The following ASTN2 variants were observed in gnomAD, a reference collection of about 807,000 sequenced individuals.
ASTN2 encodes astrotactin 2.
In ASTN2, 54 loss-of-function variants were observed where a neutral mutation model predicts 139.8. That is an observed-to-expected ratio of 0.39 (90% confidence interval 0.31 to 0.48). The LOEUF is 0.48. ASTN2 is among the 20% of genes least tolerant of loss of function. The probability of loss-of-function intolerance (pLI) is 0.95; values close to 1 mark genes in which losing one functional copy is unlikely to be tolerated. For synonymous variants in ASTN2, 756 were observed against 719.5 expected (o/e 1.05, Z -0.81); for missense variants, 1,565 against 1,725.1 (o/e 0.91, Z 1.64).
At chr9:116,444,446 C>T (rs777340554) in intron 20 of ASTN2, among the ~76,000 whole-genome samples, 1 of 152,108 alleles carries the variant, frequency 6.6e-6, no homozygotes, top group Non-Finnish European at 1.5e-5. Context: ...TCCAAAGTCA[C>T]AGGTTCAGAA....
chr9:116,841,940 T>C (rs1311737165), intron 11 of ASTN2, among the ~76,000 whole-genome samples: 2 of 152,116 alleles, frequency 1.3e-5, no homozygotes, highest in Non-Finnish European at 2.9e-5. Context: ...AAACTAAAAC[T>C]CAGAGGTCAG....
intron 20 of ASTN2, among the ~76,000 whole-genome samples, chr9:116,481,944 C>T (rs1050487158): frequency 6.6e-6 from 1 of 152,178 alleles, no homozygotes. Context: ...TGAATCTGAG[C>T]TCTACTCCTT....
intron 10 of ASTN2, among the ~76,000 whole-genome samples, chr9:116,889,454 T>C (rs1030693448): frequency 6.6e-6 from 1 of 152,074 alleles, no homozygotes; most frequent in African/African-American, 2.4e-5. Flanking sequence ...CTCCCTGGCT[T>C]CCGGGTCCAT....
chr9:117,344,568 C>T (rs577845030), intron 1 of ASTN2, among the ~76,000 whole-genome samples: 25 of 152,280 alleles, frequency 1.6e-4, no homozygotes, highest in African/African-American at 5.3e-4. Flanking sequence ...ACAACCTATG[C>T]GCACACACCC....
intron 10 of ASTN2, among the ~76,000 whole-genome samples, chr9:116,966,317 T>C (rs1386422180): frequency 6.6e-6 from 1 of 152,194 alleles, no homozygotes; most frequent in Non-Finnish European, 1.5e-5. Context: ...GCTAACTGGT[T>C]CCCCTTTATC....
At chr9:117,315,273 G>A (rs1189941301) in intron 1 of ASTN2, among the ~76,000 whole-genome samples, 2 of 152,134 alleles carry the variant, frequency 1.3e-5, no homozygotes, top group Non-Finnish European at 2.9e-5. Context: ...GTTTAAGAAG[G>A]TCTTATGTAA....
At chr9:116,647,209 T>A (rs764311986) in intron 17 of ASTN2, among the ~76,000 whole-genome samples, 6 of 152,174 alleles carry the variant, frequency 3.9e-5, no homozygotes, top group African/African-American at 7.2e-5. Context: ...TACTTATTAG[T>A]GTGATTGTTT....
At chr9:116,548,776 GGGAAGGTTTTAAAAAT>G (rs1173832014) in intron 19 of ASTN2, among the ~76,000 whole-genome samples, 2 of 152,178 alleles carry the variant, frequency 1.3e-5, no homozygotes, top group Non-Finnish European at 2.9e-5. Flanking sequence ...GCCCGGCCTG[GGGAAGGTTTTAAAAAT>G]GAACACCTGT....
At chr9:116,530,094 G>GACATATAT in intron 19 of ASTN2, among the ~76,000 whole-genome samples, 1 of 51,084 alleles carries the variant, frequency 2.0e-5, no homozygotes, top group South Asian at 1.2e-3. Flanking sequence ...GATAAAGTGT[G>GACATATAT]ATATATATAT....
intron 16 of ASTN2, chr9:116,697,574 C>G (rs1252217495): frequency 1.2e-6 from 1 of 821,806 alleles, no homozygotes; most frequent in Non-Finnish European, 1.9e-6. Flanking sequence ...GACTGAATGA[C>G]TGGTCATAGC....
chr9:116,859,231 T>C (rs1256011233), intron 11 of ASTN2, among the ~76,000 whole-genome samples: 1 of 152,238 alleles, frequency 6.6e-6, no homozygotes, highest in Non-Finnish European at 1.5e-5. Context: ...ATCCTGGTTC[T>C]GTCATGAAAG....
intron 19 of ASTN2, among the ~76,000 whole-genome samples, chr9:116,570,803 CA>C (rs1853474698): frequency 6.6e-6 from 1 of 152,166 alleles, no homozygotes; most frequent in African/African-American, 2.4e-5. Context: ...CCTGTGATTC[CA>C]AGTAAGTTTT....
intron 13 of ASTN2, among the ~76,000 whole-genome samples, chr9:116,753,474 A>T (rs2132157252): frequency 6.6e-6 from 1 of 152,332 alleles, no homozygotes; most frequent in South Asian, 2.1e-4. Context: ...AAACCCATAG[A>T]ACTATACAAC....
At chr9:117,224,317 C>G (rs763283177) in intron 2 of ASTN2, among the ~76,000 whole-genome samples, 1 of 152,114 alleles carries the variant, frequency 6.6e-6, no homozygotes, top group South Asian at 2.1e-4. Context: ...GGATTAAATG[C>G]GATTGCAGTG....
chr9:116,725,031 CAT>C (rs1269827393), intron 16 of ASTN2, among the ~76,000 whole-genome samples: 2 of 152,184 alleles, frequency 1.3e-5, no homozygotes, highest in Non-Finnish European at 1.5e-5. Context: ...CATATATACA[CAT>C]GTGCGATATT....
At chr9:117,264,660 CA>C (rs778741772) in intron 2 of ASTN2, among the ~76,000 whole-genome samples, 1 of 152,154 alleles carries the variant, frequency 6.6e-6, no homozygotes, top group Non-Finnish European at 1.5e-5. Context: ...AATAAAAACA[CA>C]ACTGGTCTTC....
intron 13 of ASTN2, among the ~76,000 whole-genome samples, chr9:116,780,476 G>A (rs1830189525): frequency 6.6e-6 from 1 of 152,132 alleles, no homozygotes; most frequent in Admixed American, 6.6e-5. Flanking sequence ...AGCATTTCTG[G>A]GGAACAGTGT....
At chr9:116,604,042 G>A (rs772631120) in intron 19 of ASTN2, among the ~76,000 whole-genome samples, 2 of 152,130 alleles carry the variant, frequency 1.3e-5, no homozygotes, top group Non-Finnish European at 2.9e-5. Flanking sequence ...TACAGCATCT[G>A]AGTTACCTCA....
rs1407347585 is a variant in ASTN2, at chr9:116,847,013, A to AC, written c.2040+16569_2040+16570insG. Among the ~76,000 whole-genome samples, 66 of 134,872 alleles carry AC rather than the reference A, an allele frequency of 4.9e-4. 4 individuals carry two copies. The highest frequency in any genetic ancestry group is 1.8e-3 in the African/African-American group (62 of 33,800). The allele number at this position is 134,872 out of a possible 152,430, so 88.5% of individuals were successfully genotyped here. A position where few individuals can be genotyped will look rare whatever the true frequency, so the allele number is the denominator to read the frequency against. On this transcript the variant is annotated intron_variant, in intron 11 of 22. Transcript: ENST00000313400. ...AAAGCCTTAGCTTCATTCTCAAAAA[A>AC]AAAAAAAAAAAAACAAAAAACAAAA...
Sources: allele counts gnomAD v4.1 joint callset (sites outside exome capture counted in the v4.1 genomes callset), GRCh38; gene constraint gnomAD v4.1.1; transcripts MANE v1.5; gene names NCBI Gene and HGNC (gene_info 2026-07-23, HGNC 2026-07-21).